Variants in EGFL7 observed in about 807,000 individuals in gnomAD.
EGFL7 encodes the protein epidermal growth factor-like protein 7.
EGFL7 carries 48 observed loss-of-function variants against 37.1 expected under a neutral mutation model. The ratio of observed to expected loss-of-function variants is 1.29; its 90% CI spans 1.03 to 1.65. The LOEUF (loss-of-function observed/expected upper bound fraction) is 1.65. Ranked by LOEUF, EGFL7 falls within the 40% of genes most tolerant of loss-of-function variation. The pLI is 0.00. For synonymous variants in EGFL7, 180 were observed against 156.8 expected, an observed-to-expected ratio of 1.15 and a Z score of -1.10; for missense variants, 384 against 378.9, an observed-to-expected ratio of 1.01 and a Z score of -0.11.
chr9:136,672,224 G>A, intron 10 of EGFL7, 40 bp from the exon 11 acceptor site: 1 of 1,613,214 alleles, frequency 6.2e-7, no homozygotes, highest in African/African-American at 1.3e-5. Flanking sequence ...GGAGGCTGTG[G>A]GGAGCAGTGA....
In EGFL7 at chr9:136,668,166, C is replaced by A. The variant is rs376010757; in HGVS notation, c.-42-75C>A. On this transcript the variant is annotated intron_variant, in intron 3 of 10. Coordinates refer to ENST00000308874, the MANE Select transcript of EGFL7 (RefSeq NM_016215.5). ...GCGGAGATGAGCTGGGCAGGCCTCG[C>A]GGAGCAAGTGCAAACTGCACCCGCG... 49 of 842,138 alleles carry A rather than the reference C, an allele frequency of 5.8e-5. No homozygotes were observed. The Admixed American group carries it at 7.7e-4, about 13-fold the overall frequency. 52.2% of individuals were successfully genotyped at this position (842,138 alleles called of 1,614,324 possible). A position where few individuals can be genotyped will look rare whatever the true frequency, so the allele number is the denominator to read the frequency against.
At chr9:136,668,456 C>A in intron 4 of EGFL7, 94 bp downstream of exon 4, 1 of 1,514,674 alleles carries the variant, frequency 6.6e-7, no homozygotes. Flanking sequence ...TCGGGGACTC[C>A]CTGGGGGCTC....
rs1368601236 is a variant in EGFL7, at chr9:136,666,489, C to A, written c.-43+1704C>A. ...GGCACCCCTGGGTCGAGGCCGTGGC[C>A]CCCCCCGGGGAAATGGGGCTTGCAG... is the stretch of plus-strand genomic sequence containing the variant. On this transcript the variant is annotated intron_variant, in intron 3 of 10. Transcript: ENST00000308874. This position sits in a 1 kb window ranked among gnomAD's most constrained non-coding sequence, Gnocchi z 6.8. Among the ~76,000 whole-genome samples the A allele has an allele frequency of 7.3e-5, 11 of 151,638 alleles. No individual in the cohort carries two copies. Among genetic ancestry groups the A allele is most frequent in the Admixed American group, 7.2e-4 (11 of 15,180 alleles).
chr9:136,671,398 C>T (rs1304288037), intron 9 of EGFL7, among the ~76,000 whole-genome samples: 4 of 152,042 alleles, frequency 2.6e-5, no homozygotes, highest in Non-Finnish European at 1.5e-5. Context: ...TCTCCTGGGA[C>T]ATGGTCCCGA....
intron 8 of EGFL7, chr9:136,670,690 C>T: frequency 1.3e-6 from 1 of 773,282 alleles, no homozygotes; most frequent in South Asian, 1.4e-5. Flanking sequence ...CACGGCACCG[C>T]ATCGAAAACG....
chr9:136,670,885 AGGGAGCCTGGGGGTGTGGGTG>A, intron 8 of EGFL7, 44 bp from the exon 9 acceptor site: 1 of 1,410,592 alleles, frequency 7.1e-7, no homozygotes, highest in Non-Finnish European at 9.7e-7. Context: ...TGGGGACAGG[AGGGAGCCTGGGGGTGTGGGTG>A]GGGAGCCGGC....
chr9:136,669,691 A>AC lies in EGFL7; in HGVS notation c.285dup (p.Ser96GlnfsTer37). 1 of 1,604,276 alleles carries AC rather than the reference A, an allele frequency of 6.2e-7. No homozygotes were observed. The highest frequency in any genetic ancestry group is 8.5e-7 in the Non-Finnish European group (1 of 1,176,464). ...CGCGTGCTGCCCCGGCTGGAAGAGG[A>AC]CCAGCGGGCTTCCTGGGGCCTGTGG... On this transcript the variant is annotated frameshift_variant, in exon 6 of 11. Transcript: ENST00000308874. LOFTEE classifies it high-confidence loss of function.
In EGFL7 at chr9:136,668,291, C is replaced by T. The variant is rs1845606236; in HGVS notation, c.9C>T (p.Gly3=). 3 of 1,606,260 alleles carry T rather than the reference C, an allele frequency of 1.9e-6. No individual in the cohort carries two copies. The highest frequency in any genetic ancestry group is 2.5e-6 in the Non-Finnish European group (3 of 1,177,030). The part of the protein sequence containing the change: MR[G]SQEVLLMWLL... Reference sequence around the variant, plus strand: ...GCCTGGAGGCACAGGCCATGAGGGGCTCTCAGGAGGTGCTGCTGATGTGGC... The same window carrying T: ...GCCTGGAGGCACAGGCCATGAGGGGTTCTCAGGAGGTGCTGCTGATGTGGC... Residue 3 remains glycine, a synonymous_variant, in exon 4 of 11, where the codon GGC becomes GGT. Coordinates refer to ENST00000308874, the MANE Select transcript of EGFL7 (RefSeq NM_016215.5).
rs977833176 is a variant in EGFL7, at chr9:136,666,303, A to G, written c.-43+1518A>G. Reference sequence around the variant, plus strand: ...CTGCTCCCGCCGCGAGGGGTCCGCCAGTGCCTGCGGCGCAGCCAGGCCCCT... The same window carrying G: ...CTGCTCCCGCCGCGAGGGGTCCGCCGGTGCCTGCGGCGCAGCCAGGCCCCT... On this transcript the variant is annotated intron_variant, in intron 3 of 10. Coordinates refer to ENST00000308874, the MANE Select transcript of EGFL7 (RefSeq NM_016215.5). The surrounding 1 kb of genome is among the most constrained non-coding windows in gnomAD (Gnocchi z 6.8). Among the ~76,000 whole-genome samples, 90 of 150,390 alleles carry G rather than the reference A, an allele frequency of 6.0e-4. No individual in the cohort carries two copies. Among genetic ancestry groups the G allele is most frequent in the Non-Finnish European group, 1.2e-3 (79 of 67,492 alleles).
chr9:136,668,206 G>T, intron 3 of EGFL7, 35 bp from the exon 4 acceptor site: 1 of 1,324,962 alleles, frequency 7.5e-7, no homozygotes, highest in Non-Finnish European at 1.0e-6. Context: ...GGGGGCATCT[G>T]CGGGGAGACT....
chr9:136,666,400 T>C lies in EGFL7; in HGVS notation c.-43+1615T>C, dbSNP rs1845478743. Among the ~76,000 whole-genome samples the C allele has an allele frequency of 6.7e-6, 1 of 150,370 alleles. No homozygotes were observed. Among genetic ancestry groups the C allele is most frequent in the Admixed American group, 6.6e-5 (1 of 15,126 alleles). On this transcript the variant is annotated intron_variant, in intron 3 of 10. Coordinates refer to ENST00000308874, the MANE Select transcript of EGFL7 (RefSeq NM_016215.5). This position sits in a 1 kb window ranked among gnomAD's most constrained non-coding sequence, Gnocchi z 6.8. ...GCCGGGCAGGTGGGGAGGGAGCCCGTGGGCGCTGGGGGCACGGGGACCGGA... is the reference window on the plus strand; with the variant it reads ...GCCGGGCAGGTGGGGAGGGAGCCCGCGGGCGCTGGGGGCACGGGGACCGGA...
At chr9:136,659,619 C>T (rs1229030613), upstream of EGFL7, 3 of 152,456 alleles carry the variant, frequency 2.0e-5, no homozygotes, top group African/African-American at 4.8e-5. Flanking sequence ...CCAGCCAGCA[C>T]GCTCTGGGAA....
intron 2 of EGFL7, among the ~76,000 whole-genome samples, chr9:136,664,200 G>A (rs542893047): frequency 2.1e-4 from 32 of 152,314 alleles, no homozygotes; most frequent in African/African-American, 7.2e-4. Context: ...TCGTCCCTTG[G>A]ACCACGTGCC....
At position 136,671,966 on chromosome 9, in the gene EGFL7, C is replaced by G. The variant is rs374930413; in HGVS notation, c.677C>G (p.Ser226Trp). ...CTGGCCCCACTGCACAGCCTGGCCT[C>G]GCAGGCACTGGAGCATGGGCTCCCG... ...LVLAPLHSLA[S>W]QALEHGLPDP... The change falls in exon 10 of 11, where the codon TCG (serine) becomes TGG (tryptophan). Residue 226 changes from serine (S) to tryptophan (W), a missense_variant. By Grantham distance (177) the Ser-to-Trp change is radical. Coordinates refer to ENST00000308874, the MANE Select transcript of EGFL7 (RefSeq NM_016215.5). 2 of 1,538,262 alleles carry G rather than the reference C, an allele frequency of 1.3e-6. No individual in the cohort carries two copies. Among genetic ancestry groups the G allele is most frequent in the Admixed American group, 2.0e-5 (1 of 50,712 alleles).
At chr9:136,669,502 C>A in intron 5 of EGFL7, 104 bp from the exon 6 acceptor site, 1 of 786,640 alleles carries the variant, frequency 1.3e-6, no homozygotes. Flanking sequence ...CCCTTGGGGG[C>A]ATGCTGGGGT....
At position 136,668,239 on chromosome 9, in the gene EGFL7, A is replaced by G. The variant is rs1329032150; in HGVS notation, c.-42-2A>G. ...ACTTAGGGGTCATGCTTTGTGCCCC[A>G]GGCCACCCAGAGGAGAAGGCCACCC... On this transcript the variant is annotated splice_acceptor_variant, in intron 3 of 10. Coordinates refer to ENST00000308874, the MANE Select transcript of EGFL7 (RefSeq NM_016215.5). LOFTEE classifies it low-confidence loss of function (5UTR_SPLICE). The G allele has an allele frequency of 6.5e-7, 1 of 1,538,882 alleles. No homozygotes were observed. The highest frequency in any genetic ancestry group is 1.2e-5 in the South Asian group (1 of 84,666).
rs150932253 is a variant in EGFL7 at position 136,668,605 on chromosome 9, G to A, written c.129G>A (p.Ser43=). The change falls in exon 5 of 11, where the codon TCG becomes TCA. Residue 43 remains serine (S), a synonymous_variant. Transcript: ENST00000308874. ...VRAHGDPVSE[S]FVQRVYQPFL... ...CTCACGGGGACCCTGTCTCCGAGTC[G>A]TTCGTGCAGCGTGTGTACCAGCCCT... 24 of 1,608,278 alleles carry A rather than the reference G, an allele frequency of 1.5e-5. No individual in the cohort carries two copies. The highest frequency in any genetic ancestry group is 6.6e-5 in the South Asian group (6 of 91,086).
At position 136,666,647 on chromosome 9, in the gene EGFL7, G is replaced by A. The variant is rs1845497594; in HGVS notation, c.-42-1594G>A. ...TTGTGGGGGGGAGCTGTGCCAATAT[G>A]TGTGGGGGGCAATGAGGTCTGGGAG... On this transcript the variant is annotated intron_variant, in intron 3 of 10. Coordinates refer to ENST00000308874, the MANE Select transcript of EGFL7 (RefSeq NM_016215.5). The surrounding 1 kb of genome is among the most constrained non-coding windows in gnomAD (Gnocchi z 6.8). Among the ~76,000 whole-genome samples the A allele has an allele frequency of 6.6e-6, 1 of 151,806 alleles. No individual in the cohort carries two copies. Among genetic ancestry groups the A allele is most frequent in the Non-Finnish European group, 1.5e-5 (1 of 67,910 alleles).
chr9:136,662,129 G>A (rs1340732154), upstream of EGFL7, among the ~76,000 whole-genome samples: 2 of 152,174 alleles, frequency 1.3e-5, no homozygotes, highest in East Asian at 1.9e-4. Flanking sequence ...AGCACCCCCT[G>A]TGATCACCCA....
Sources: allele counts gnomAD v4.1 joint callset (sites outside exome capture counted in the v4.1 genomes callset), GRCh38; gene constraint gnomAD v4.1.1; non-coding constraint Gnocchi (gnomAD v3.1); transcripts MANE v1.5; gene names NCBI Gene and HGNC (gene_info 2026-07-23, HGNC 2026-07-21).